The following USH2A variants were observed in gnomAD, a reference collection of about 807,000 sequenced individuals.
USH2A encodes the protein Usher syndrome 2A (autosomal recessive, mild).
Under a neutral mutation model 538.9 loss-of-function variants are expected in USH2A, and 443 were observed. The ratio of observed to expected loss-of-function variants is 0.82; its 90% CI spans 0.76 to 0.89. USH2A has a LOEUF of 0.89. USH2A is among the 40% of genes least tolerant of loss of function. The pLI is 0.00. For synonymous variants in USH2A, 2,413 were observed against 2,273.5 expected (o/e 1.06, Z -1.75); for missense variants, 6,633 against 6,324.8 (o/e 1.05, Z -1.65).
At chr1:216,076,368 A>T (rs2031750525) in intron 27 of USH2A, among the ~76,000 whole-genome samples, 1 of 152,162 alleles carries the variant, frequency 6.6e-6, no homozygotes, top group African/African-American at 2.4e-5. Context: ...TGTAGGTAAA[A>T]TTATTCCCTT....
chr1:216,182,699 CA>C (rs1332680737), intron 20 of USH2A, among the ~76,000 whole-genome samples: 1 of 152,042 alleles, frequency 6.6e-6, no homozygotes, highest in Non-Finnish European at 1.5e-5. Flanking sequence ...CAGTAATAAA[CA>C]CTAGGTAAGG....
At chr1:216,340,464 C>T (rs577477290) in intron 4 of USH2A, among the ~76,000 whole-genome samples, 5 of 149,704 alleles carry the variant, frequency 3.3e-5, no homozygotes, top group East Asian at 2.0e-4. Context: ...AAATTGAAAA[C>T]GAGGAATTCC....
intron 36 of USH2A, among the ~76,000 whole-genome samples, chr1:215,967,976 T>C (rs1028867036): frequency 5.9e-5 from 9 of 152,278 alleles, no homozygotes; most frequent in African/African-American, 2.2e-4. Context: ...TAGACTCCAC[T>C]AGTGTTATGT....
chr1:216,004,273 G>A (rs1668339921), intron 32 of USH2A, among the ~76,000 whole-genome samples: 2 of 152,142 alleles, frequency 1.3e-5, no homozygotes, highest in Non-Finnish European at 1.5e-5. Context: ...ATGGCTAGGA[G>A]TGCAAACGGA....
chr1:216,023,154 A>C (rs1417600733), intron 32 of USH2A, among the ~76,000 whole-genome samples: 1 of 152,062 alleles, frequency 6.6e-6, no homozygotes, highest in African/African-American at 2.4e-5. Flanking sequence ...GGATCTAGGA[A>C]AATTCAAGAT....
chr1:216,267,471 A>G (rs1329326330), intron 11 of USH2A, among the ~76,000 whole-genome samples: 1 of 152,114 alleles, frequency 6.6e-6, no homozygotes, highest in African/African-American at 2.4e-5. Flanking sequence ...AATTGTGATC[A>G]AGAGAGTTTT....
intron 35 of USH2A, among the ~76,000 whole-genome samples, chr1:215,992,137 G>A (rs1210265762): frequency 1.3e-5 from 2 of 152,056 alleles, no homozygotes; most frequent in Admixed American, 1.3e-4. Context: ...TAATAAAACT[G>A]TAACTTTTTT....
intron 32 of USH2A, among the ~76,000 whole-genome samples, chr1:216,045,885 G>T (rs2030493872): frequency 6.6e-6 from 1 of 152,092 alleles, no homozygotes; most frequent in Admixed American, 6.6e-5. Context: ...TTTAGCTTCA[G>T]TTTCACCATG....
intron 32 of USH2A, among the ~76,000 whole-genome samples, chr1:216,022,641 A>AT (rs936778463): frequency 5.3e-5 from 8 of 152,170 alleles, no homozygotes; most frequent in Non-Finnish European, 1.0e-4. Flanking sequence ...GAAGAAAGAC[A>AT]TTTTTCCACC....
chr1:215,670,501 A>G (rs898446010), intron 64 of USH2A, among the ~76,000 whole-genome samples: 4 of 152,160 alleles, frequency 2.6e-5, no homozygotes, highest in Non-Finnish European at 5.9e-5. Flanking sequence ...CTCAGAGAAA[A>G]CTTAACTCAT....
At chr1:215,684,723 T>C (rs1203520230) in intron 61 of USH2A, among the ~76,000 whole-genome samples, 1 of 152,196 alleles carries the variant, frequency 6.6e-6, no homozygotes, top group Non-Finnish European at 1.5e-5. Flanking sequence ...TCTAAGCCAG[T>C]GGGATTTCTT....
chr1:216,364,675 G>A (rs919030442), intron 4 of USH2A, among the ~76,000 whole-genome samples: 1 of 152,136 alleles, frequency 6.6e-6, no homozygotes, highest in African/African-American at 2.4e-5. Flanking sequence ...ACTAAGGATT[G>A]CCAGTAGCTA....
At chr1:216,086,945 G>T in intron 23 of USH2A, 125 bp from the exon 24 acceptor site, 2 of 721,822 alleles carry the variant, frequency 2.8e-6, no homozygotes, top group South Asian at 1.5e-5. Flanking sequence ...TCTCCTCATT[G>T]CCTGTTCATT....
At chr1:216,024,807 T>C (rs566756056) in intron 32 of USH2A, among the ~76,000 whole-genome samples, 26 of 152,130 alleles carry the variant, frequency 1.7e-4, no homozygotes, top group Non-Finnish European at 3.7e-4. Flanking sequence ...TTCTGGGTTA[T>C]AATTCCCAAA....
At chr1:215,779,328 T>TA (rs1436632256) in intron 55 of USH2A, among the ~76,000 whole-genome samples, 1 of 152,170 alleles carries the variant, frequency 6.6e-6, no homozygotes, top group African/African-American at 2.4e-5. Context: ...TTAAGGCTAA[T>TA]GATAATAAAC....
rs1261897607 is a variant in USH2A, at chr1:216,084,696, A to G, written c.5167+2T>C. ...ACACTCATGTCTTTTTTAGAGCATT[A>G]CCTGCTCCTAGGAACTGAGCTCCCT... On this transcript the variant is annotated splice_donor_variant, in intron 25 of 71. Coordinates refer to ENST00000307340, the MANE Select transcript of USH2A (RefSeq NM_206933.4). LOFTEE classifies it high-confidence loss of function. The G allele has an allele frequency of 6.2e-7, 1 of 1,612,816 alleles. No homozygotes were observed. Among genetic ancestry groups the G allele is most frequent in the South Asian group, 1.1e-5 (1 of 91,064 alleles).
At chr1:216,170,479 T>C (rs2034254734) in intron 21 of USH2A, among the ~76,000 whole-genome samples, 1 of 152,086 alleles carries the variant, frequency 6.6e-6, no homozygotes. Flanking sequence ...TATATCCAGG[T>C]GCATGTGTGT....
intron 16 of USH2A, among the ~76,000 whole-genome samples, chr1:216,200,973 ATCCATCCCTCCC>A (rs1312921833): frequency 7.8e-5 from 1 of 12,856 alleles, no homozygotes; most frequent in Non-Finnish European, 1.5e-4. Flanking sequence ...CCCTCCCCCC[ATCCATCCCTCCC>A]TCCCTCCCTC....
intron 61 of USH2A, among the ~76,000 whole-genome samples, chr1:215,689,651 G>A (rs1034101830): frequency 5.3e-5 from 8 of 152,234 alleles, no homozygotes; most frequent in African/African-American, 1.9e-4. Context: ...GCCATGCTAT[G>A]AGAGGGCCTG....
Sources: allele counts gnomAD v4.1 joint callset (sites outside exome capture counted in the v4.1 genomes callset), GRCh38; gene constraint gnomAD v4.1.1; transcripts MANE v1.5; gene names NCBI Gene and HGNC (gene_info 2026-07-23, HGNC 2026-07-21).